The following CYP19A1 variants were observed in gnomAD, a reference collection of about 807,000 sequenced individuals.
CYP19A1 encodes the protein aromatase.
A neutral mutation model predicts 44.4 loss-of-function variants in CYP19A1; 32 were observed. That is an observed-to-expected ratio of 0.72 (90% confidence interval 0.54 to 0.97). The LOEUF is 0.97. Among genes scored for constraint, CYP19A1 ranks in the 50% least tolerant of loss-of-function variants. The pLI is 0.00. For missense variants in CYP19A1, 598 were observed against 637.8 expected (o/e 0.94, Z 0.67); for synonymous variants, 212 against 215.6 (o/e 0.98, Z 0.14).
At chr15:51,240,814 T>C (rs2033712038) in intron 2 of CYP19A1, among the ~76,000 whole-genome samples, 1 of 151,918 alleles carries the variant, frequency 6.6e-6, no homozygotes, top group African/African-American at 2.4e-5. Context: ...TGACAAGCCA[T>C]TTCCCTTCAC....
intron 1 of CYP19A1, among the ~76,000 whole-genome samples, chr15:51,251,526 C>T (rs934006641): frequency 5.3e-5 from 8 of 152,312 alleles, no homozygotes; most frequent in East Asian, 1.9e-4. Flanking sequence ...ATCTAGCTCC[C>T]GGGGGCTACC....
rs777474240 is a variant in CYP19A1, at chr15:51,210,826, G to C, written c.1494C>G (p.Asp498Glu). ...LEMIFTPRNS[D>E]RCLEH ...GCCTTCTCTAGTGTTCCAGACACCTGTCTGAGTTTCTTGGGGTAAAGATCA... is the reference window on the plus strand; with the variant it reads ...GCCTTCTCTAGTGTTCCAGACACCTCTCTGAGTTTCTTGGGGTAAAGATCA... The change falls in exon 10 of 10, where the codon GAC (aspartate) becomes GAG (glutamate). Residue 498 changes from aspartate to glutamate, a missense_variant. Asp to Glu is a conservative substitution (Grantham distance 45). Transcript: ENST00000396402. The C allele has an allele frequency of 1.3e-6, 2 of 1,594,268 alleles. No individual in the cohort carries two copies. The highest frequency in any genetic ancestry group is 1.7e-5 in the Admixed American group (1 of 59,978).
chr15:51,246,879 C>G (rs1182862530), intron 1 of CYP19A1, among the ~76,000 whole-genome samples: 1 of 152,184 alleles, frequency 6.6e-6, no homozygotes, highest in Non-Finnish European at 1.5e-5. Context: ...TCCAGCAAAC[C>G]TGGCCCATCC....
chr15:51,236,219 C>A (rs2033383885), intron 3 of CYP19A1, among the ~76,000 whole-genome samples: 1 of 152,198 alleles, frequency 6.6e-6, no homozygotes, highest in Non-Finnish European at 1.5e-5. Context: ...TGAATTACTT[C>A]TTTTTCTACT....
At chr15:51,226,090 GAAAAAAA>G (rs55642133) in intron 4 of CYP19A1, among the ~76,000 whole-genome samples, 2 of 44,408 alleles carry the variant, frequency 4.5e-5, no homozygotes, top group Non-Finnish European at 7.4e-5. Flanking sequence ...CTCTGTCTCA[GAAAAAAA>G]AAAAAAAAAA....
rs368299696 is a variant in CYP19A1 at position 51,210,473 on chromosome 15, A to G, written c.*335T>C. ...CCTTGGGTTGAGGCAGTAGAGCTCT[A>G]CTGGGGAACCAGACATACATTTTGT... On this transcript the variant is annotated 3_prime_UTR_variant, in exon 10 of 10. Transcript: ENST00000396402. The G allele has an allele frequency of 1.9e-5, 10 of 534,510 alleles. No individual in the cohort carries two copies. The highest frequency in any genetic ancestry group is 1.2e-4 in the East Asian group (3 of 24,632). 33.1% of individuals were successfully genotyped at this position (534,510 alleles called of 1,614,324 possible). A position where few individuals can be genotyped will look rare whatever the true frequency, so the allele number is the denominator to read the frequency against.
At chr15:51,232,263 C>A (rs765952478) in intron 3 of CYP19A1, among the ~76,000 whole-genome samples, 8 of 152,192 alleles carry the variant, frequency 5.3e-5, no homozygotes, top group Non-Finnish European at 8.8e-5. Context: ...TCACCTGTGA[C>A]CTCCCTGTTG....
At chr15:51,295,088 C>T (rs538234220) in intron 1 of CYP19A1, among the ~76,000 whole-genome samples, 2 of 147,814 alleles carry the variant, frequency 1.4e-5, no homozygotes, top group South Asian at 2.1e-4. Flanking sequence ...TAGCTGAATA[C>T]TCAAAATTCT....
At chr15:51,315,222 C>T (rs1421075856) in intron 1 of CYP19A1, among the ~76,000 whole-genome samples, 1 of 152,192 alleles carries the variant, frequency 6.6e-6, no homozygotes, top group East Asian at 1.9e-4. Flanking sequence ...CACCGTCACC[C>T]AGGCCTGCTG....
chr15:51,210,619 T>A lies in CYP19A1; in HGVS notation c.*189A>T, dbSNP rs767587668. On this transcript the variant is annotated 3_prime_UTR_variant, in exon 10 of 10. Transcript: ENST00000396402. ...CTCTGCTTTTTCTCTTGTAGCCTGG[T>A]TCTCTGGTGTGAACAGGAGCAGATG... The A allele has an allele frequency of 6.9e-6, 5 of 722,612 alleles. No individual in the cohort carries two copies. 44.8% of individuals were successfully genotyped at this position (722,612 alleles called of 1,614,324 possible).
At chr15:51,270,459 C>A (rs1266488424) in intron 1 of CYP19A1, among the ~76,000 whole-genome samples, 1 of 152,142 alleles carries the variant, frequency 6.6e-6, no homozygotes, top group Non-Finnish European at 1.5e-5. Context: ...CTACCTGGAA[C>A]CCCTTCACCC....
At chr15:51,336,568 C>A (rs1282896175) in intron 1 of CYP19A1, among the ~76,000 whole-genome samples, 1 of 152,152 alleles carries the variant, frequency 6.6e-6, no homozygotes, top group African/African-American at 2.4e-5. Flanking sequence ...CTGTCAATCT[C>A]ATCACTGAAG....
chr15:51,318,506 G>C (rs1233168133), intron 1 of CYP19A1: 1 of 152,386 alleles, frequency 6.6e-6, no homozygotes, highest in East Asian at 1.9e-4. Context: ...TTGGAGCCAG[G>C]AGCCAGTTTC....
chr15:51,320,213 A>G (rs1375384592), intron 1 of CYP19A1: 1 of 152,180 alleles, frequency 6.6e-6, no homozygotes, highest in Non-Finnish European at 1.5e-5. Context: ...TGAGCATCAC[A>G]TTGTATAGTC....
At chr15:51,325,385 C>T (rs147857823) in intron 1 of CYP19A1, among the ~76,000 whole-genome samples, 1 of 152,262 alleles carries the variant, frequency 6.6e-6, no homozygotes, top group East Asian at 1.9e-4. Context: ...ATATTCGCCT[C>T]CCCTGCCACC....
chr15:51,248,702 C>G lies in CYP19A1; in HGVS notation c.-38-5752G>C, dbSNP rs192296376. On this transcript the variant is annotated intron_variant, in intron 1 of 9. Coordinates refer to ENST00000396402, the MANE Select transcript of CYP19A1 (RefSeq NM_000103.4). Reference sequence around the variant, plus strand: ...TTCCGCTTCTAGAACAGTGTCCAGGCCTTCATACGTGCTTGTTACAAACCT... The same window carrying G: ...TTCCGCTTCTAGAACAGTGTCCAGGGCTTCATACGTGCTTGTTACAAACCT... Among the ~76,000 whole-genome samples, 4 of 152,282 alleles carry G rather than the reference C, an allele frequency of 2.6e-5. No homozygotes were observed. In the East Asian group the frequency reaches 7.7e-4, roughly 29 times the overall value.
chr15:51,284,493 A>G (rs775076763), intron 1 of CYP19A1, among the ~76,000 whole-genome samples: 3 of 152,292 alleles, frequency 2.0e-5, no homozygotes, highest in Middle Eastern at 3.4e-3. Context: ...TATTCCTGTC[A>G]ATTTATGGGG....
chr15:51,217,505 C>T (rs1342915407), intron 6 of CYP19A1, among the ~76,000 whole-genome samples: 1 of 152,172 alleles, frequency 6.6e-6, no homozygotes, highest in African/African-American at 2.4e-5. Flanking sequence ...TAGTACTTAT[C>T]AACCATGAGA....
rs1243984820 is a variant in CYP19A1 at position 51,215,683 on chromosome 15, C to A, written c.858+20G>T. On this transcript the variant is annotated intron_variant, in intron 7 of 9. Transcript: ENST00000396402. ...CATAACATATGTGGCATGGGAATTA[C>A]AGTTAGTTCAGGTCAGTACCTCTGC... The A allele has an allele frequency of 6.2e-7, 1 of 1,613,774 alleles. No individual in the cohort carries two copies. Among genetic ancestry groups the A allele is most frequent in the Non-Finnish European group, 8.5e-7 (1 of 1,179,928 alleles).
Sources: allele counts gnomAD v4.1 joint callset (sites outside exome capture counted in the v4.1 genomes callset), GRCh38; gene constraint gnomAD v4.1.1; transcripts MANE v1.5; gene names NCBI Gene and HGNC (gene_info 2026-07-23, HGNC 2026-07-21).